The following AGBL1 variants were observed in gnomAD, a reference collection of about 807,000 sequenced individuals.
The protein encoded by AGBL1 is AGBL carboxypeptidase 1.
A neutral mutation model predicts 118.9 loss-of-function variants in AGBL1; 130 were observed. The observed-to-expected ratio is 1.09, with a 90% CI of 0.95 to 1.26. AGBL1 has a LOEUF of 1.26. AGBL1 is among the 50% of genes most tolerant of loss of function. The pLI is 0.00. For missense variants in AGBL1, 1,584 were observed against 1,298.1 expected (o/e 1.22, Z -3.38); for synonymous variants, 555 against 478.9 (o/e 1.16, Z -2.08).
At chr15:86,519,580 A>T (rs1332922601) in intron 18 of AGBL1, among the ~76,000 whole-genome samples, 1 of 152,214 alleles carries the variant, frequency 6.6e-6, no homozygotes, top group Non-Finnish European at 1.5e-5. Context: ...AAAGCACTCA[A>T]GTTAGGTGTT....
At chr15:86,886,441 A>T (rs1484636796) in intron 22 of AGBL1, among the ~76,000 whole-genome samples, 3 of 152,222 alleles carry the variant, frequency 2.0e-5, no homozygotes, top group African/African-American at 7.2e-5. Flanking sequence ...ATATTTGGTT[A>T]TCCCTAATCT....
At chr15:86,710,679 T>C (rs1206236857) in intron 22 of AGBL1, among the ~76,000 whole-genome samples, 2 of 152,176 alleles carry the variant, frequency 1.3e-5, no homozygotes, top group African/African-American at 4.8e-5. Flanking sequence ...GTGTTAAGCA[T>C]ATGGATAGGT....
Position 86,908,084 on chromosome 15 carries a change from A to G in AGBL1, c.*790A>G, listed in dbSNP as rs2080304535. 1 of 152,182 alleles carries G rather than the reference A, an allele frequency of 6.6e-6. No homozygotes were observed. The highest frequency in any genetic ancestry group is 2.4e-5 in the African/African-American group (1 of 41,424). 9.4% of individuals were successfully genotyped at this position (152,182 alleles called of 1,614,324 possible). A position where few individuals can be genotyped will look rare whatever the true frequency, so the allele number is the denominator to read the frequency against. On this transcript the variant is annotated 3_prime_UTR_variant, in exon 23 of 23. Coordinates refer to ENST00000614907, the MANE Select transcript of AGBL1 (RefSeq NM_001386094.1). Reference sequence around the variant, plus strand: ...CTAGATCTGGCAGTTGCTTGTTATGACAATTTAGGCAAGTAATTAAATTTT... The same window carrying G: ...CTAGATCTGGCAGTTGCTTGTTATGGCAATTTAGGCAAGTAATTAAATTTT...
intron 23 of AGBL1, among the ~76,000 whole-genome samples, chr15:86,943,846 G>A (rs761626934): frequency 2.0e-5 from 3 of 152,078 alleles, no homozygotes; most frequent in East Asian, 3.9e-4. Context: ...TCTTACCCTC[G>A]CTGTCTGCCT....
intron 1 of AGBL1, among the ~76,000 whole-genome samples, chr15:86,131,114 C>G (rs759166902): frequency 1.3e-4 from 20 of 152,156 alleles, no homozygotes; most frequent in Non-Finnish European, 2.4e-4. Context: ...GTAGTCAGTC[C>G]TCTTACATGG....
intron 19 of AGBL1, among the ~76,000 whole-genome samples, chr15:86,539,534 C>G (rs2083467168): frequency 1.3e-5 from 2 of 152,192 alleles, no homozygotes; most frequent in South Asian, 4.1e-4. Context: ...TCACCACCTT[C>G]AAGAAAATGT....
At chr15:86,377,190 G>A (rs1235317597) in intron 17 of AGBL1, among the ~76,000 whole-genome samples, 1 of 152,076 alleles carries the variant, frequency 6.6e-6, no homozygotes, top group Non-Finnish European at 1.5e-5. Context: ...GGATTATATG[G>A]ACCAATGCCC....
chr15:86,666,610 G>T (rs1298408489), intron 21 of AGBL1, among the ~76,000 whole-genome samples: 2 of 152,104 alleles, frequency 1.3e-5, no homozygotes, highest in Non-Finnish European at 2.9e-5. Flanking sequence ...TTTTAACAAG[G>T]ACTGTGTTAG....
rs1040224463 is a variant in AGBL1 at position 86,615,393 on chromosome 15, A to C, written c.2995-58880A>C. ...AGTAGGTTTGATGCAGGTGGTGTCC[A>C]GTGGGATCTGGGGTAAGGAGGAAGA... On this transcript the variant is annotated intron_variant, in intron 21 of 22. Coordinates refer to ENST00000614907, the MANE Select transcript of AGBL1 (RefSeq NM_001386094.1). The surrounding 1 kb of genome is among the most constrained non-coding windows in gnomAD (Gnocchi z 4.3). 6.6e-6 allele frequency among the ~76,000 whole-genome samples: 1 copy of C among 152,222 alleles called. No homozygotes were observed. Among genetic ancestry groups the C allele is most frequent in the Non-Finnish European group, 1.5e-5 (1 of 68,038 alleles).
At chr15:86,849,175 G>T (rs181529334) in intron 22 of AGBL1, among the ~76,000 whole-genome samples, 3 of 152,276 alleles carry the variant, frequency 2.0e-5, no homozygotes, top group African/African-American at 4.8e-5. Flanking sequence ...AGAAAAGATT[G>T]GTGCTGTAAA....
At chr15:86,970,959 C>G (rs2081102246) in intron 23 of AGBL1, among the ~76,000 whole-genome samples, 1 of 151,964 alleles carries the variant, frequency 6.6e-6, no homozygotes. Flanking sequence ...TTAGGTATTA[C>G]AAGTAATCTA....
intron 19 of AGBL1, among the ~76,000 whole-genome samples, chr15:86,543,716 G>T (rs931172040): frequency 6.6e-6 from 1 of 152,182 alleles, no homozygotes; most frequent in Non-Finnish European, 1.5e-5. Flanking sequence ...CAGAACCAGG[G>T]TCTAATCAAC....
At chr15:86,664,683 C>A (rs2085611218) in intron 21 of AGBL1, among the ~76,000 whole-genome samples, 1 of 152,146 alleles carries the variant, frequency 6.6e-6, no homozygotes, top group Non-Finnish European at 1.5e-5. Flanking sequence ...CCAGGTAGTT[C>A]ATGGGAAGGA....
chr15:86,182,031 T>C (rs1358597977), intron 5 of AGBL1, among the ~76,000 whole-genome samples: 1 of 151,874 alleles, frequency 6.6e-6, no homozygotes, highest in Non-Finnish European at 1.5e-5. Flanking sequence ...GTGTTGGGGA[T>C]GGAAAGGAAG....
At chr15:86,170,885 C>CAAAA (rs34169705) in intron 5 of AGBL1, among the ~76,000 whole-genome samples, 4,088 of 137,060 alleles carry the variant, frequency 0.03, 170 homozygotes, top group African/African-American at 0.098. Flanking sequence ...AAACCAATGA[C>CAAAA]AAAAAAAAAA....
intron 22 of AGBL1, among the ~76,000 whole-genome samples, chr15:86,805,805 C>A (rs535351625): frequency 6.6e-6 from 1 of 152,112 alleles, no homozygotes; most frequent in East Asian, 1.9e-4. Flanking sequence ...ACACACTCAA[C>A]CATTTACTAC....
At position 86,319,767 on chromosome 15, in the gene AGBL1, TTTTTTTTTTTTTG is replaced by T. The variant is rs1555466093; in HGVS notation, c.2374+24360_2374+24372del. Among the ~76,000 whole-genome samples the T allele has an allele frequency of 1.1e-4, 11 of 100,994 alleles. No individual in the cohort carries two copies. In the East Asian group the frequency reaches 1.5e-3, roughly 14 times the overall value. 66.3% of individuals were successfully genotyped at this position (100,994 alleles called of 152,430 possible). ...AGTTTTTTTTTTTTTTTTTTTTTTT[TTTTTTTTTTTTTG>T]AGATGGACTCTTTGTCACCCAGGCT... On this transcript the variant is annotated intron_variant, in intron 17 of 22. Coordinates refer to ENST00000614907, the MANE Select transcript of AGBL1 (RefSeq NM_001386094.1).
rs536908095 is a variant in AGBL1 at position 86,122,086 on chromosome 15, A to G, written c.52-19918A>G. 3.9e-5 allele frequency among the ~76,000 whole-genome samples: 6 copies of G among 152,254 alleles called. No individual in the cohort carries two copies. In the East Asian group the frequency reaches 9.7e-4, roughly 25 times the overall value. On this transcript the variant is annotated intron_variant, in intron 1 of 22. Coordinates refer to ENST00000614907, the MANE Select transcript of AGBL1 (RefSeq NM_001386094.1). The stretch of plus-strand genomic sequence containing the variant: ...GCGTTTGAATGTGCGCTCTCCCTCC[A>G]AGGAACTGTCTCCAAGTTTCTTCCC...
At position 86,563,237 on chromosome 15, in the gene AGBL1, G is replaced by C. The variant is rs553274506; in HGVS notation, c.2994+8700G>C. Among the ~76,000 whole-genome samples the C allele has an allele frequency of 7.4e-4, 112 of 152,120 alleles. 1 individual carries two copies. In the East Asian group the frequency reaches 0.018, roughly 24 times the overall value. On this transcript the variant is annotated intron_variant, in intron 21 of 22. Coordinates refer to ENST00000614907, the MANE Select transcript of AGBL1 (RefSeq NM_001386094.1). ...TCTAGTTCTTTCAATTGTGATGTTA[G>C]GGTGTCAGTTTTAGATCTTTCCTGC... is the stretch of plus-strand genomic sequence containing the variant.
Sources: allele counts gnomAD v4.1 joint callset (sites outside exome capture counted in the v4.1 genomes callset), GRCh38; gene constraint gnomAD v4.1.1; non-coding constraint Gnocchi (gnomAD v3.1); transcripts MANE v1.5; gene names NCBI Gene and HGNC (gene_info 2026-07-23, HGNC 2026-07-21).